The following PRORP variants were observed in gnomAD, a reference collection of about 807,000 sequenced individuals.
PRORP encodes protein only RNase P catalytic subunit.
PRORP carries 51 observed loss-of-function variants against 59.4 expected under a neutral mutation model. The observed-to-expected ratio is 0.86, with a 90% CI of 0.69 to 1.08. The LOEUF is 1.08. Ranked by LOEUF, PRORP falls within the 50% of genes least tolerant of loss-of-function variation. PRORP has a pLI of 0.00. For missense variants in PRORP, 646 were observed against 690.3 expected (o/e 0.94, Z 0.72); for synonymous variants, 231 against 245.6 (o/e 0.94, Z 0.55).
chr14:35,164,015 A>G (rs2048123137), intron 4 of PRORP, among the ~76,000 whole-genome samples: 1 of 152,120 alleles, frequency 6.6e-6, no homozygotes, highest in Admixed American at 6.6e-5. Flanking sequence ...AGCACCATTT[A>G]TTGAATAGGA....
At chr14:35,201,972 ATT>A (rs753624770) in intron 5 of PRORP, among the ~76,000 whole-genome samples, 5 of 112,390 alleles carry the variant, frequency 4.4e-5, no homozygotes, top group Admixed American at 1.9e-4. Flanking sequence ...AATTATTATT[ATT>A]TTTTTTTTTT....
chr14:35,217,772 T>C (rs1213486518), intron 5 of PRORP, among the ~76,000 whole-genome samples: 1 of 152,222 alleles, frequency 6.6e-6, no homozygotes, highest in African/African-American at 2.4e-5. Flanking sequence ...GGTTTATTTC[T>C]GGACTCTCAA....
At chr14:35,161,207 AG>A (rs2048050853) in intron 4 of PRORP, among the ~76,000 whole-genome samples, 1 of 152,342 alleles carries the variant, frequency 6.6e-6, no homozygotes, top group Admixed American at 6.5e-5. Flanking sequence ...ATTTACCTAA[AG>A]CACATACAGG....
At chr14:35,166,577 G>T (rs769998271) in intron 4 of PRORP, among the ~76,000 whole-genome samples, 5 of 151,354 alleles carry the variant, frequency 3.3e-5, no homozygotes, top group Non-Finnish European at 7.4e-5. Context: ...AGCCTCCCAA[G>T]TAGCTGGGAC....
At chr14:35,135,739 C>T (rs1467971572) in intron 4 of PRORP, among the ~76,000 whole-genome samples, 1 of 152,048 alleles carries the variant, frequency 6.6e-6, no homozygotes, top group Non-Finnish European at 1.5e-5. Context: ...GCGGGCAGAT[C>T]ATGAAGTCAG....
intron 4 of PRORP, among the ~76,000 whole-genome samples, chr14:35,169,426 C>T (rs1595230686): frequency 6.6e-6 from 1 of 151,590 alleles, no homozygotes; most frequent in African/African-American, 2.4e-5. Flanking sequence ...CTATAAAGAA[C>T]TGCCTGAGCG....
At chr14:35,172,448 C>CTTT (rs1566474435) in intron 4 of PRORP, among the ~76,000 whole-genome samples, 5 of 68,020 alleles carry the variant, frequency 7.4e-5, no homozygotes, top group Non-Finnish European at 1.2e-4. Flanking sequence ...TTCCTTCCTT[C>CTTT]CTTCCTTCTT....
intron 5 of PRORP, among the ~76,000 whole-genome samples, chr14:35,248,390 G>A (rs983617234): frequency 6.6e-6 from 1 of 152,202 alleles, no homozygotes; most frequent in African/African-American, 2.4e-5. Flanking sequence ...GACTTAGAAA[G>A]CTTGCAGCTT....
chr14:35,149,945 G>C (rs773911031), intron 4 of PRORP, among the ~76,000 whole-genome samples: 6 of 152,104 alleles, frequency 3.9e-5, no homozygotes, highest in Non-Finnish European at 8.8e-5. Context: ...TGCCTCCCAG[G>C]TTCAGTTGAG....
At chr14:35,249,593 A>T (rs1219986072) in intron 5 of PRORP, among the ~76,000 whole-genome samples, 2 of 152,034 alleles carry the variant, frequency 1.3e-5, no homozygotes, top group Admixed American at 1.3e-4. Context: ...AAAAAAATGA[A>T]ATTGAATTAT....
intron 4 of PRORP, among the ~76,000 whole-genome samples, chr14:35,130,518 G>T (rs962129035): frequency 6.7e-6 from 1 of 149,446 alleles, no homozygotes; most frequent in Non-Finnish European, 1.5e-5. Flanking sequence ...GTCTCACTCT[G>T]TCGCCCAGGT....
At chr14:35,188,060 G>A (rs1368513919) in intron 5 of PRORP, among the ~76,000 whole-genome samples, 1 of 151,758 alleles carries the variant, frequency 6.6e-6, no homozygotes, top group Non-Finnish European at 1.5e-5. Flanking sequence ...ATGTTGTTCA[G>A]GCTGGTCTTG....
At chr14:35,155,291 G>T (rs1000153808) in intron 4 of PRORP, among the ~76,000 whole-genome samples, 3 of 152,244 alleles carry the variant, frequency 2.0e-5, no homozygotes, top group African/African-American at 7.2e-5. Context: ...ATAGGGGATG[G>T]AATAGATGGA....
chr14:35,180,519 A>T (rs2048576880), intron 4 of PRORP, 151 bp from the exon 5 acceptor site: 4 of 474,858 alleles, frequency 8.4e-6, no homozygotes, highest in Non-Finnish European at 1.5e-5. Context: ...TTTCATTTGT[A>T]GAGTATCTGT....
chr14:35,205,564 C>A (rs1055325425), intron 5 of PRORP, among the ~76,000 whole-genome samples: 2 of 152,164 alleles, frequency 1.3e-5, no homozygotes, highest in Admixed American at 6.6e-5. Context: ...TCAAGCAATC[C>A]TCCCACCTTG....
chr14:35,205,552 G>T (rs191648135), intron 5 of PRORP, among the ~76,000 whole-genome samples: 13 of 152,206 alleles, frequency 8.5e-5, no homozygotes, highest in Non-Finnish European at 1.9e-4. Context: ...GAACTCCTGG[G>T]CTCAAGCAAT....
At chr14:35,264,626 G>A (rs1003744164) in intron 5 of PRORP, among the ~76,000 whole-genome samples, 5 of 152,060 alleles carry the variant, frequency 3.3e-5, no homozygotes, top group African/African-American at 1.2e-4. Context: ...ACTGAAATAA[G>A]ATTAGCAATG....
intron 5 of PRORP, among the ~76,000 whole-genome samples, chr14:35,258,506 G>GA (rs1285224263): frequency 6.6e-6 from 1 of 151,770 alleles, no homozygotes. Context: ...TCAGAAGAGA[G>GA]AAAAAAAAGA....
At chr14:35,267,741 A>G (rs1282081472) in intron 6 of PRORP, among the ~76,000 whole-genome samples, 3 of 152,172 alleles carry the variant, frequency 2.0e-5, no homozygotes, top group East Asian at 1.9e-4. Flanking sequence ...AGATCGCGCC[A>G]CTGCACTCCA....
Sources: allele counts gnomAD v4.1 joint callset (sites outside exome capture counted in the v4.1 genomes callset), GRCh38; gene constraint gnomAD v4.1.1; transcripts MANE v1.5; gene names NCBI Gene and HGNC (gene_info 2026-07-23, HGNC 2026-07-21).